The following PRKG1 variants were observed in gnomAD, a reference collection of about 807,000 sequenced individuals.
The protein encoded by PRKG1 is cGMP-dependent protein kinase 1.
Under a neutral mutation model 88.1 loss-of-function variants are expected in PRKG1, and 35 were observed. The observed-to-expected ratio is 0.40, with a 90% CI of 0.30 to 0.53. The LOEUF is 0.53. Ranked by LOEUF, PRKG1 falls within the 20% of genes least tolerant of loss-of-function variation. The pLI is 0.59. For synonymous variants in PRKG1, 303 were observed against 292.5 expected (o/e 1.04, Z -0.37); for missense variants, 540 against 839.8 (o/e 0.64, Z 4.41).
intron 2 of PRKG1, among the ~76,000 whole-genome samples, chr10:51,443,769 C>A (rs1839189033): frequency 6.6e-6 from 1 of 151,890 alleles, no homozygotes; most frequent in African/African-American, 2.4e-5. Context: ...AGTATCCCAC[C>A]CTGTAGAAAT....
At chr10:51,036,465 G>A (rs12244061) in intron 1 of PRKG1, among the ~76,000 whole-genome samples, 9 of 152,220 alleles carry the variant, frequency 5.9e-5, no homozygotes, top group African/African-American at 2.2e-4. Flanking sequence ...TGACTGGGGG[G>A]TGCAGAGTAA....
chr10:52,117,355 T>C (rs532002187), intron 7 of PRKG1, among the ~76,000 whole-genome samples: 3 of 152,238 alleles, frequency 2.0e-5, no homozygotes, highest in East Asian at 3.9e-4. Flanking sequence ...GGCAATGCTG[T>C]AAGTGACACT....
intron 3 of PRKG1, chr10:51,696,214 A>G (rs1393467963): frequency 1.3e-5 from 2 of 152,058 alleles, no homozygotes; most frequent in Admixed American, 6.5e-5. Context: ...ATGATAGAAA[A>G]GTAGATTATG....
At chr10:51,393,373 C>T (rs1247585760) in intron 2 of PRKG1, among the ~76,000 whole-genome samples, 1 of 148,822 alleles carries the variant, frequency 6.7e-6, no homozygotes, top group Non-Finnish European at 1.5e-5. Flanking sequence ...CCTCACTTTC[C>T]AGACTGGGCA....
intron 7 of PRKG1, among the ~76,000 whole-genome samples, chr10:52,070,885 T>C (rs1846479327): frequency 6.6e-6 from 1 of 152,214 alleles, no homozygotes; most frequent in Admixed American, 6.5e-5. Flanking sequence ...ATGAGACTTC[T>C]TGGGTTCAAA....
chr10:51,582,212 T>TG (rs1838057459), intron 3 of PRKG1, among the ~76,000 whole-genome samples: 1 of 152,206 alleles, frequency 6.6e-6, no homozygotes, highest in Non-Finnish European at 1.5e-5. Context: ...ATCTATAATA[T>TG]TCTCTTCTCT....
chr10:52,014,793 G>A (rs534940837), intron 5 of PRKG1, among the ~76,000 whole-genome samples: 24 of 152,300 alleles, frequency 1.6e-4, no homozygotes, highest in Admixed American at 7.2e-4. Context: ...AAACAAAGGG[G>A]CCACAGGCCC....
chr10:52,001,575 AT>A (rs978692716), intron 5 of PRKG1, among the ~76,000 whole-genome samples: 15 of 151,562 alleles, frequency 9.9e-5, no homozygotes, highest in South Asian at 2.1e-4. Context: ...TCCTTCAGTC[AT>A]TTTTTTTCCC....
chr10:51,569,341 TTTGTC>T (rs1194709400), intron 3 of PRKG1, among the ~76,000 whole-genome samples: 6 of 152,052 alleles, frequency 3.9e-5, no homozygotes, highest in Non-Finnish European at 7.4e-5. Flanking sequence ...TTTGATACGG[TTTGTC>T]TTAGCTTCTT....
chr10:51,891,105 A>G (rs1841708698), intron 4 of PRKG1, among the ~76,000 whole-genome samples: 1 of 152,190 alleles, frequency 6.6e-6, no homozygotes, highest in Admixed American at 6.5e-5. Flanking sequence ...TACAAAAAAA[A>G]AATAACAAAT....
intron 4 of PRKG1, among the ~76,000 whole-genome samples, chr10:51,805,573 G>A (rs139265997): frequency 3.8e-4 from 57 of 151,920 alleles, no homozygotes; most frequent in African/African-American, 1.1e-3. Context: ...ATTTTTGATC[G>A]GTAGAATGTT....
chr10:51,801,951 C>T (rs557433151), intron 3 of PRKG1, among the ~76,000 whole-genome samples: 1 of 152,212 alleles, frequency 6.6e-6, no homozygotes, highest in East Asian at 1.9e-4. Context: ...CAGCTTTATA[C>T]CCTTTAGACT....
At chr10:51,903,036 TG>T (rs1842013816) in intron 4 of PRKG1, among the ~76,000 whole-genome samples, 1 of 152,204 alleles carries the variant, frequency 6.6e-6, no homozygotes, top group Non-Finnish European at 1.5e-5. Flanking sequence ...TAAAATTTTT[TG>T]TACCTAGGTT....
At chr10:52,014,599 C>T (rs117678451) in intron 5 of PRKG1, among the ~76,000 whole-genome samples, 13,139 of 152,210 alleles carry the variant, frequency 0.086, 794 homozygotes, top group Non-Finnish European at 0.13. Flanking sequence ...TCCAACAGTA[C>T]CCCAAAGTCT....
chr10:51,616,699 T>C (rs1404694771), intron 3 of PRKG1, among the ~76,000 whole-genome samples: 1 of 152,052 alleles, frequency 6.6e-6, no homozygotes, highest in Non-Finnish European at 1.5e-5. Flanking sequence ...CCAGCTATGC[T>C]AGGCAGGGGT....
intron 7 of PRKG1, among the ~76,000 whole-genome samples, chr10:52,099,727 G>C (rs903789068): frequency 6.6e-6 from 1 of 152,154 alleles, no homozygotes; most frequent in African/African-American, 2.4e-5. Flanking sequence ...TACTGTTAGG[G>C]TTGCTTTTGG....
At chr10:51,901,156 C>T (rs943438431) in intron 4 of PRKG1, among the ~76,000 whole-genome samples, 10 of 152,070 alleles carry the variant, frequency 6.6e-5, no homozygotes, top group African/African-American at 2.2e-4. Context: ...CCAGGATAAG[C>T]CTTAAGAGTC....
chr10:51,451,542 A>G (rs1292334615), intron 2 of PRKG1, among the ~76,000 whole-genome samples: 1 of 151,984 alleles, frequency 6.6e-6, no homozygotes, highest in Non-Finnish European at 1.5e-5. Context: ...GAAATACTAG[A>G]CACACATAGC....
intron 2 of PRKG1, among the ~76,000 whole-genome samples, chr10:51,284,286 A>G (rs908080145): frequency 2.6e-5 from 4 of 152,234 alleles, no homozygotes; most frequent in Non-Finnish European, 5.9e-5. Context: ...TTTATTGCAT[A>G]TCTACAGGGA....
Sources: gnomAD v4.1 joint callset for allele counts (sites outside exome capture counted in the v4.1 genomes callset) on GRCh38, gnomAD v4.1.1 for gene constraint, MANE v1.5 for transcripts, NCBI Gene and HGNC (gene_info 2026-07-23, HGNC 2026-07-21) for gene names.